The following SPECC1 variants were observed in gnomAD, a reference collection of about 807,000 sequenced individuals.
SPECC1 encodes cytospin-B.
Under a neutral mutation model 104.1 loss-of-function variants are expected in SPECC1, and 62 were observed. That is an observed-to-expected ratio of 0.60 (90% confidence interval 0.49 to 0.74). SPECC1 has a LOEUF of 0.74. Among genes scored for constraint, SPECC1 ranks in the 30% least tolerant of loss-of-function variants. The probability of loss-of-function intolerance (pLI) is 0.00; values close to 1 mark genes in which losing one functional copy is unlikely to be tolerated. For synonymous variants in SPECC1, 513 were observed against 501.6 expected, an observed-to-expected ratio of 1.02 and a Z score of -0.30; for missense variants, 1,306 against 1,310.5, an observed-to-expected ratio of 1.00 and a Z score of 0.05.
intron 3 of SPECC1, among the ~76,000 whole-genome samples, chr17:20,166,900 G>T (rs1479505432): frequency 2.6e-5 from 4 of 151,944 alleles, no homozygotes; most frequent in Non-Finnish European, 5.9e-5. Context: ...TTGAGGCCAG[G>T]AGTTGGAGAC....
intron 3 of SPECC1, among the ~76,000 whole-genome samples, chr17:20,166,597 A>G (rs1256026152): frequency 6.6e-6 from 1 of 152,206 alleles, no homozygotes; most frequent in Non-Finnish European, 1.5e-5. Flanking sequence ...ATCAAAAAAT[A>G]AAGAATGAAA....
chr17:20,181,599 A>T (rs1299669499), intron 3 of SPECC1, among the ~76,000 whole-genome samples: 1 of 152,174 alleles, frequency 6.6e-6, no homozygotes, highest in Non-Finnish European at 1.5e-5. Flanking sequence ...TTTGGTATTG[A>T]TGCAATAAGG....
At chr17:20,011,296 C>A (rs2152424881) in intron 1 of SPECC1, among the ~76,000 whole-genome samples, 1 of 152,170 alleles carries the variant, frequency 6.6e-6, no homozygotes, top group Admixed American at 6.5e-5. Flanking sequence ...ATTACCTTTT[C>A]ATTTTTTTCA....
chr17:20,156,689 C>A (rs942933828), intron 3 of SPECC1, among the ~76,000 whole-genome samples: 1 of 152,182 alleles, frequency 6.6e-6, no homozygotes, highest in East Asian at 1.9e-4. Flanking sequence ...CGCGACTGTT[C>A]CTAACCCAGA....
At chr17:20,174,337 A>G (rs1032749560) in intron 3 of SPECC1, among the ~76,000 whole-genome samples, 13 of 152,360 alleles carry the variant, frequency 8.5e-5, no homozygotes, top group African/African-American at 3.1e-4. Flanking sequence ...TAAAAATTAA[A>G]TTGATATACT....
At chr17:20,172,618 A>G (rs1288127033) in intron 3 of SPECC1, among the ~76,000 whole-genome samples, 3 of 152,034 alleles carry the variant, frequency 2.0e-5, no homozygotes, top group African/African-American at 7.2e-5. Context: ...AGGACGTGAG[A>G]TGGGAGGGGC....
At chr17:20,129,424 G>C (rs538952579) in intron 3 of SPECC1, among the ~76,000 whole-genome samples, 1 of 151,798 alleles carries the variant, frequency 6.6e-6, no homozygotes, top group African/African-American at 2.4e-5. Context: ...TCCTGACCTC[G>C]TGATCTACGC....
chr17:20,107,448 T>C (rs1037982457), intron 2 of SPECC1, among the ~76,000 whole-genome samples: 7 of 150,796 alleles, frequency 4.6e-5, no homozygotes, highest in Middle Eastern at 3.4e-3. Flanking sequence ...GTCTCTTCTT[T>C]TCTTTTCTTT....
At chr17:20,055,573 C>G (rs1295143825) in intron 1 of SPECC1, among the ~76,000 whole-genome samples, 1 of 152,182 alleles carries the variant, frequency 6.6e-6, no homozygotes, top group Non-Finnish European at 1.5e-5. Flanking sequence ...AACAGGGTGT[C>G]TGAAACTTTT....
chr17:20,257,188 C>A (rs980026139), intron 10 of SPECC1, among the ~76,000 whole-genome samples: 1 of 152,198 alleles, frequency 6.6e-6, no homozygotes, highest in Non-Finnish European at 1.5e-5. Context: ...AGGACACATG[C>A]TTGGTGTAAT....
At chr17:20,194,499 C>T (rs1056829345) in intron 3 of SPECC1, among the ~76,000 whole-genome samples, 4 of 89,990 alleles carry the variant, frequency 4.4e-5, no homozygotes, top group East Asian at 7.5e-4. Context: ...GAAAAGAGAA[C>T]GAATTTTTTT....
chr17:20,261,321 T>C (rs2040014963), intron 12 of SPECC1, among the ~76,000 whole-genome samples: 1 of 151,800 alleles, frequency 6.6e-6, no homozygotes, highest in Non-Finnish European at 1.5e-5. Flanking sequence ...GCTAACACAG[T>C]GAAACCCCAT....
At chr17:20,259,281 TA>T (rs2151590758) in intron 11 of SPECC1, among the ~76,000 whole-genome samples, 1 of 152,308 alleles carries the variant, frequency 6.6e-6, no homozygotes, top group East Asian at 1.9e-4. Flanking sequence ...AAAGAGGTTT[TA>T]AGGACCAGAA....
rs531075364 is a variant in SPECC1, at chr17:20,109,650, C to T, written c.148-777C>T. Among the ~76,000 whole-genome samples the T allele has an allele frequency of 2.6e-5, 4 of 152,296 alleles. No homozygotes were observed. The South Asian group carries it at 8.3e-4, about 32-fold the overall frequency. ...TTTGAACACATTTTCTGTGTCAGAT[C>T]ATCTACAGAATGCTTGGTGGTGAGG... On this transcript the variant is annotated intron_variant, in intron 2 of 14. Transcript: ENST00000395527.
chr17:20,050,912 G>A (rs138929121), intron 1 of SPECC1, among the ~76,000 whole-genome samples: 1 of 152,252 alleles, frequency 6.6e-6, no homozygotes, highest in Non-Finnish European at 1.5e-5. Context: ...CTGGTAAAGA[G>A]GAACTTCTTA....
At chr17:20,238,139 A>G in intron 7 of SPECC1, 2 of 1,030,456 alleles carry the variant, frequency 1.9e-6, no homozygotes, top group Non-Finnish European at 2.3e-6. Context: ...GATTTCCAGA[A>G]TCTTGTTGGG....
chr17:20,296,771 C>G (rs2041365080), intron 12 of SPECC1, among the ~76,000 whole-genome samples, 190 bp from the exon 13 acceptor site: 1 of 152,140 alleles, frequency 6.6e-6, no homozygotes, highest in African/African-American at 2.4e-5. Flanking sequence ...GTATTTTACT[C>G]TCTTTGTAGC....
At chr17:20,183,357 G>A (rs2035040660) in intron 3 of SPECC1, among the ~76,000 whole-genome samples, 1 of 152,174 alleles carries the variant, frequency 6.6e-6, no homozygotes, top group Non-Finnish European at 1.5e-5. Flanking sequence ...CAGGAATTCT[G>A]TCTTGTAGAC....
chr17:20,298,972 TATGTAGAGAGAG>T (rs200679899), intron 13 of SPECC1, among the ~76,000 whole-genome samples: 1 of 67,326 alleles, frequency 1.5e-5, no homozygotes, highest in Non-Finnish European at 2.7e-5. Context: ...TGTGTGTGTG[TATGTAGAGAGAG>T]AGAGAGAGAG....
Sources: gnomAD v4.1 joint callset for allele counts (sites outside exome capture counted in the v4.1 genomes callset) on GRCh38, gnomAD v4.1.1 for gene constraint, MANE v1.5 for transcripts, NCBI Gene and HGNC (gene_info 2026-07-23, HGNC 2026-07-21) for gene names.